The following GLB1L2 variants were observed in gnomAD, a reference collection of about 807,000 sequenced individuals.
GLB1L2 encodes the protein galactosidase beta 1 like 2.
GLB1L2 carries 68 observed loss-of-function variants against 84.1 expected under a neutral mutation model. The ratio of observed to expected loss-of-function variants is 0.81; its 90% confidence interval spans 0.67 to 0.99. GLB1L2 has a LOEUF of 0.99. Ranked by LOEUF, GLB1L2 falls within the 50% of genes least tolerant of loss-of-function variation. GLB1L2 has a pLI of 0.00. For synonymous variants in GLB1L2, 290 were observed against 318.0 expected, an observed-to-expected ratio of 0.91 and a Z score of 0.94; for missense variants, 762 against 805.6, an observed-to-expected ratio of 0.95 and a Z score of 0.66.
At chr11:134,349,451 A>G (rs1943595810) in intron 5 of GLB1L2, among the ~76,000 whole-genome samples, 1 of 152,226 alleles carries the variant, frequency 6.6e-6, no homozygotes, top group African/African-American at 2.4e-5. Context: ...TTTTGGGTAT[A>G]TACCTAGAAG....
intron 1 of GLB1L2, among the ~76,000 whole-genome samples, chr11:134,332,811 T>A (rs1237988365): frequency 6.6e-6 from 1 of 152,230 alleles, no homozygotes; most frequent in Admixed American, 6.5e-5. Context: ...TCAGTGATAC[T>A]GTGATTTACC....
rs1368042098 is a variant in GLB1L2, at chr11:134,338,538, C to T, written c.87-4216C>T. ...TTTTACTACACCTGGAATCTCCTGC[C>T]TGCTGGGGCCTGCCCTGTACCCTTC... is the stretch of plus-strand genomic sequence containing the variant. On this transcript the variant is annotated intron_variant, in intron 1 of 18. Coordinates refer to ENST00000535456, the MANE Select transcript of GLB1L2 (RefSeq NM_001370461.1). The surrounding 1 kb of genome is among the most constrained non-coding windows in gnomAD (Gnocchi z 6.2). Among the ~76,000 whole-genome samples, 1 of 152,188 alleles carries T rather than the reference C, an allele frequency of 6.6e-6. No homozygotes were observed. The highest frequency in any genetic ancestry group is 2.4e-5 in the African/African-American group (1 of 41,436).
chr11:134,374,876 C>T lies in GLB1L2; in HGVS notation c.1825-96C>T, dbSNP rs1394831902. ...GTCCCTGTCCCTTCCAGCCTGGTTC[C>T]CAAACCCTTTCCTTCTGACCCTGCC... On this transcript the variant is annotated intron_variant, in intron 18 of 18. Transcript: ENST00000535456. The T allele has an allele frequency of 1.5e-5, 20 of 1,331,204 alleles. No homozygotes were observed. The East Asian group carries it at 4.4e-4, about 30-fold the overall frequency. 82.5% of individuals were successfully genotyped at this position (1,331,204 alleles called of 1,614,324 possible).
At chr11:134,343,153 C>CAGTAGCA (rs527921961) in intron 2 of GLB1L2, among the ~76,000 whole-genome samples, 174 of 152,328 alleles carry the variant, frequency 1.1e-3, no homozygotes, top group African/African-American at 3.8e-3. Flanking sequence ...AGAGGAACCG[C>CAGTAGCA]AGTAGCAATG....
At chr11:134,356,547 G>T (rs1324031012) in intron 6 of GLB1L2, among the ~76,000 whole-genome samples, 154 bp downstream of exon 6, 3 of 152,270 alleles carry the variant, frequency 2.0e-5, no homozygotes, top group South Asian at 2.1e-4. Context: ...TTTCAACAGG[G>T]TTGTCACTTA....
intron 2 of GLB1L2, among the ~76,000 whole-genome samples, chr11:134,344,108 A>G (rs1273781410): frequency 1.3e-5 from 2 of 152,028 alleles, no homozygotes; most frequent in Non-Finnish European, 2.9e-5. Flanking sequence ...TTCTTCTCCA[A>G]TGGGGCGTGG....
chr11:134,373,006 C>T (rs1159789434), intron 15 of GLB1L2, among the ~76,000 whole-genome samples: 2 of 152,248 alleles, frequency 1.3e-5, no homozygotes, highest in Non-Finnish European at 2.9e-5. Flanking sequence ...ACTGTGGAGT[C>T]CTGTCCTCTG....
intron 1 of GLB1L2, among the ~76,000 whole-genome samples, chr11:134,335,726 G>T (rs937421535): frequency 6.6e-6 from 1 of 152,214 alleles, no homozygotes; most frequent in South Asian, 2.1e-4. Flanking sequence ...TTAAGGTAAG[G>T]AAGTGGCAAG....
chr11:134,371,112 T>TG lies in GLB1L2; in HGVS notation c.1322dup (p.Ile442HisfsTer8), dbSNP rs1257224491. On this transcript the variant is annotated frameshift_variant, in exon 13 of 19. Coordinates refer to ENST00000535456, the MANE Select transcript of GLB1L2 (RefSeq NM_001370461.1). LOFTEE classifies it high-confidence loss of function. ...TCTATGAGACCAGCATCACCTCGTCTGGCATCCTCAGTGGCCACGTGCATG... is the reference window on the plus strand; with the variant it reads ...TCTATGAGACCAGCATCACCTCGTCTGGGCATCCTCAGTGGCCACGTGCATG... 1 of 1,614,120 alleles carries TG rather than the reference T, an allele frequency of 6.2e-7. No individual in the cohort carries two copies. Among genetic ancestry groups the TG allele is most frequent in the East Asian group, 2.2e-5 (1 of 44,894 alleles).
chr11:134,335,173 G>C (rs1442987616), intron 1 of GLB1L2, among the ~76,000 whole-genome samples: 1 of 151,720 alleles, frequency 6.6e-6, no homozygotes, highest in Admixed American at 6.6e-5. Context: ...GGAAAAGGAG[G>C]AGATGTATCA....
chr11:134,348,492 G>A (rs147825527), intron 5 of GLB1L2, among the ~76,000 whole-genome samples: 13 of 152,294 alleles, frequency 8.5e-5, no homozygotes, highest in Admixed American at 2.0e-4. Flanking sequence ...ACTTGCAGAC[G>A]TGCAGCGGGT....
At chr11:134,333,095 T>G (rs1397925197) in intron 1 of GLB1L2, among the ~76,000 whole-genome samples, 1 of 152,058 alleles carries the variant, frequency 6.6e-6, no homozygotes, top group Non-Finnish European at 1.5e-5. Flanking sequence ...ACAGGGAAGT[T>G]TTTGATGGAG....
chr11:134,338,015 C>CAATG lies in GLB1L2; in HGVS notation c.87-4737_87-4734dup, dbSNP rs1310443981. Among the ~76,000 whole-genome samples the CAATG allele has an allele frequency of 6.6e-6, 1 of 152,212 alleles. No individual in the cohort carries two copies. Among genetic ancestry groups the CAATG allele is most frequent in the Non-Finnish European group, 1.5e-5 (1 of 68,034 alleles). On this transcript the variant is annotated intron_variant, in intron 1 of 18. Transcript: ENST00000535456. This position sits in a 1 kb window ranked among gnomAD's most constrained non-coding sequence, Gnocchi z 6.2. ...GACTTATGTTCTGGGAATCGAAGGA[C>CAATG]AATGATTGCAGTTCCTGACTCAGAT...
At chr11:134,366,435 A>C (rs1943868363) in intron 8 of GLB1L2, among the ~76,000 whole-genome samples, 1 of 152,146 alleles carries the variant, frequency 6.6e-6, no homozygotes, top group Admixed American at 6.5e-5. Context: ...ATCCCTCTAA[A>C]CATAAGGCTA....
At chr11:134,369,763 C>G in intron 10 of GLB1L2, 42 bp from the exon 11 acceptor site, 1 of 1,567,074 alleles carries the variant, frequency 6.4e-7, no homozygotes, top group South Asian at 1.1e-5. Flanking sequence ...ATGTGCTGTG[C>G]TGGGGACAGG....
chr11:134,334,148 G>A lies in GLB1L2; in HGVS notation c.86+2001G>A, dbSNP rs569318276. ...GACTGGGTCATTAACTGAGTGGGAG[G>A]TGGGGCCTCTCCCAGCTGTTACTGG... On this transcript the variant is annotated intron_variant, in intron 1 of 18. Transcript: ENST00000535456. This position sits in a 1 kb window ranked among gnomAD's most constrained non-coding sequence, Gnocchi z 4.1. 2.0e-5 allele frequency among the ~76,000 whole-genome samples: 3 copies of A among 152,218 alleles called. No individual in the cohort carries two copies. The South Asian group carries it at 6.2e-4, about 32-fold the overall frequency.
In GLB1L2 at chr11:134,339,870, G is replaced by T. The variant is rs1943437495; in HGVS notation, c.87-2884G>T. 1.3e-5 allele frequency among the ~76,000 whole-genome samples: 2 copies of T among 152,170 alleles called. No individual in the cohort carries two copies. Among genetic ancestry groups the T allele is most frequent in the South Asian group, 4.1e-4 (2 of 4,826 alleles). Reference sequence around the variant, plus strand: ...GTTGGTGGATAGAAGTTGTTGAATTGGGATGCCTCTTTCCAGGTGTCTGCA... The same window carrying T: ...GTTGGTGGATAGAAGTTGTTGAATTTGGATGCCTCTTTCCAGGTGTCTGCA... On this transcript the variant is annotated intron_variant, in intron 1 of 18. Coordinates refer to ENST00000535456, the MANE Select transcript of GLB1L2 (RefSeq NM_001370461.1). The surrounding 1 kb of genome is among the most constrained non-coding windows in gnomAD (Gnocchi z 5.7).
At chr11:134,358,676 G>A (rs550275677) in intron 6 of GLB1L2, among the ~76,000 whole-genome samples, 8 of 152,376 alleles carry the variant, frequency 5.3e-5, no homozygotes, top group East Asian at 1.9e-4. Context: ...TGTAGGTGTC[G>A]TCCTGGAGGC....
intron 1 of GLB1L2, 100 bp downstream of exon 1, chr11:134,332,247 G>C: frequency 1.3e-6 from 1 of 793,264 alleles, no homozygotes; most frequent in Non-Finnish European, 2.0e-6. Context: ...CCGAGTTCCC[G>C]GGGGGAGCAG....
Sources: gnomAD v4.1 joint callset for allele counts (sites outside exome capture counted in the v4.1 genomes callset) on GRCh38, gnomAD v4.1.1 for gene constraint, Gnocchi (gnomAD v3.1) non-coding constraint, MANE v1.5 for transcripts, NCBI Gene and HGNC (gene_info 2026-07-23, HGNC 2026-07-21) for gene names.